CUX1: variants seen among roughly 807,000 people sequenced by gnomAD.
CUX1 encodes the protein protein CASP.
Under a neutral mutation model 158.8 loss-of-function variants are expected in CUX1, and 31 were observed. The observed-to-expected ratio is 0.20, with a 90% CI of 0.15 to 0.26. The LOEUF (loss-of-function observed/expected upper bound fraction) is 0.26, where lower values mean the gene tolerates loss of function less well. Ranked by LOEUF, CUX1 falls within the 10% of genes least tolerant of loss-of-function variation. The probability of loss-of-function intolerance (pLI) is 1.00; values close to 1 mark genes in which losing one functional copy is unlikely to be tolerated. For synonymous variants in CUX1, 879 were observed against 862.1 expected, an observed-to-expected ratio of 1.02 and a Z score of -0.34; for missense variants, 1,589 against 2,014.6, an observed-to-expected ratio of 0.79 and a Z score of 4.04.
intron 2 of CUX1, among the ~76,000 whole-genome samples, chr7:101,919,856 G>A (rs1804693568): frequency 6.6e-6 from 1 of 152,214 alleles, no homozygotes; most frequent in African/African-American, 2.4e-5. Flanking sequence ...GGGGTGCTGT[G>A]TGGTGGCTGG....
At chr7:101,877,674 G>T (rs1029929206) in intron 1 of CUX1, among the ~76,000 whole-genome samples, 1 of 151,616 alleles carries the variant, frequency 6.6e-6, no homozygotes, top group African/African-American at 2.4e-5. Flanking sequence ...GTGACAGAAC[G>T]AGACTCTGTT....
At chr7:102,231,915 G>C (rs1430982665) in intron 21 of CUX1, among the ~76,000 whole-genome samples, 1 of 151,670 alleles carries the variant, frequency 6.6e-6, no homozygotes, top group East Asian at 1.9e-4. Context: ...GGGTTTTACT[G>C]TGTGAGCCAG....
At chr7:101,962,731 C>G (rs760961306) in intron 2 of CUX1, among the ~76,000 whole-genome samples, 3 of 151,984 alleles carry the variant, frequency 2.0e-5, no homozygotes, top group Non-Finnish European at 4.4e-5. Flanking sequence ...TTTTTTCTTC[C>G]TTTTTTTGAA....
At chr7:102,081,287 C>G (rs1304943100) in intron 4 of CUX1, among the ~76,000 whole-genome samples, 1 of 116,842 alleles carries the variant, frequency 8.6e-6, no homozygotes, top group Admixed American at 8.7e-5. Context: ...TAGTCAGTGA[C>G]ATCACCATTC....
intron 22 of CUX1, among the ~76,000 whole-genome samples, chr7:102,236,687 C>T (rs1170022929): frequency 2.0e-5 from 3 of 152,182 alleles, no homozygotes; most frequent in Admixed American, 1.3e-4. Flanking sequence ...ACCCGAGCAG[C>T]GTGAAGCTTC....
At chr7:102,269,998 G>T (rs1472854533) in intron 14 of CUX1, among the ~76,000 whole-genome samples, 5 of 152,172 alleles carry the variant, frequency 3.3e-5, no homozygotes, top group African/African-American at 1.2e-4. Flanking sequence ...CCCACAGGGG[G>T]CCAGGCCCGG....
At chr7:102,028,478 C>A (rs1417534413) in intron 3 of CUX1, among the ~76,000 whole-genome samples, 1 of 152,190 alleles carries the variant, frequency 6.6e-6, no homozygotes, top group Non-Finnish European at 1.5e-5. Context: ...GTCGCCTTGT[C>A]CCCCTGAGCT....
chr7:101,954,023 C>CA (rs1288110225), intron 2 of CUX1, among the ~76,000 whole-genome samples: 2 of 152,030 alleles, frequency 1.3e-5, no homozygotes, highest in South Asian at 2.1e-4. Flanking sequence ...CCCATCTCTA[C>CA]AAAAAAAATT....
At chr7:102,100,566 T>C (rs1829663310) in intron 5 of CUX1, among the ~76,000 whole-genome samples, 1 of 152,202 alleles carries the variant, frequency 6.6e-6, no homozygotes, top group Non-Finnish European at 1.5e-5. Flanking sequence ...CAGAAAAATG[T>C]CATTTCCTCT....
At chr7:102,143,776 T>C (rs1040494476) in intron 8 of CUX1, among the ~76,000 whole-genome samples, 2 of 151,388 alleles carry the variant, frequency 1.3e-5, no homozygotes, top group Non-Finnish European at 1.5e-5. Context: ...CTTCTTCTTT[T>C]GTTTTTTTGT....
intron 2 of CUX1, among the ~76,000 whole-genome samples, chr7:101,935,112 G>T (rs973024721): frequency 2.0e-5 from 3 of 152,018 alleles, no homozygotes; most frequent in African/African-American, 7.2e-5. Flanking sequence ...CTTTACTGAT[G>T]ACATTCCACC....
chr7:102,028,988 ATTT>A (rs71519103), intron 3 of CUX1, among the ~76,000 whole-genome samples: 9 of 114,210 alleles, frequency 7.9e-5, no homozygotes, highest in Non-Finnish European at 5.2e-5. Flanking sequence ...AGTCTTAGGG[ATTT>A]TTTTTTTTTT....
chr7:101,943,534 G>T (rs967112498), intron 2 of CUX1, among the ~76,000 whole-genome samples: 3 of 152,036 alleles, frequency 2.0e-5, no homozygotes, highest in Admixed American at 2.0e-4. Flanking sequence ...GTGCAGTCTT[G>T]GTGTTCGCTC....
rs566370772 is a variant in CUX1, at chr7:101,838,567, C to T, written c.30+20898C>T. Among the ~76,000 whole-genome samples, 7 of 150,624 alleles carry T rather than the reference C, an allele frequency of 4.6e-5. No individual in the cohort carries two copies. In the South Asian group the frequency reaches 8.5e-4, roughly 18 times the overall value. ...CTGTTATCCCAGCACCTTGGGAGGCCGAGGTGGGTGGATCACCTGAGATCA... is the reference window on the plus strand; with the variant it reads ...CTGTTATCCCAGCACCTTGGGAGGCTGAGGTGGGTGGATCACCTGAGATCA... On this transcript the variant is annotated intron_variant, in intron 1 of 23. Coordinates refer to ENST00000292535, the MANE Select transcript of CUX1 (RefSeq NM_181552.4).
At chr7:102,128,670 CAGACCTT>C (rs1235987693) in intron 8 of CUX1, among the ~76,000 whole-genome samples, 1 of 151,830 alleles carries the variant, frequency 6.6e-6, no homozygotes, top group Non-Finnish European at 1.5e-5. Context: ...TTTCCTTACT[CAGACCTT>C]AGTATTTTCA....
At chr7:101,851,829 C>CTT (rs59542926) in intron 1 of CUX1, among the ~76,000 whole-genome samples, 206 of 144,680 alleles carry the variant, frequency 1.4e-3, no homozygotes, top group Non-Finnish European at 1.2e-3. Context: ...TTTCTTCTCT[C>CTT]TTTTTTTTTT....
At chr7:102,227,018 A>C (rs868993579) in intron 20 of CUX1, among the ~76,000 whole-genome samples, 70 of 152,164 alleles carry the variant, frequency 4.6e-4, no homozygotes, top group Admixed American at 2.3e-3. Flanking sequence ...GATCTAGCCA[A>C]AGTGCTTCTG....
At chr7:101,996,316 G>T (rs1815878164) in intron 2 of CUX1, among the ~76,000 whole-genome samples, 1 of 152,068 alleles carries the variant, frequency 6.6e-6, no homozygotes, top group African/African-American at 2.4e-5. Flanking sequence ...CAGGACAGAA[G>T]GCTCCCCAGA....
chr7:102,019,957 G>T (rs964846519), intron 2 of CUX1, among the ~76,000 whole-genome samples: 1 of 152,146 alleles, frequency 6.6e-6, no homozygotes, highest in African/African-American at 2.4e-5. Context: ...CTTTAAACCA[G>T]ATTTCTTTTA....
Sources: allele counts gnomAD v4.1 joint callset (sites outside exome capture counted in the v4.1 genomes callset), GRCh38; gene constraint gnomAD v4.1.1; transcripts MANE v1.5; gene names NCBI Gene and HGNC (gene_info 2026-07-23, HGNC 2026-07-21).